The following COPS6 variants were observed in gnomAD, a reference collection of about 807,000 sequenced individuals.
COPS6 encodes COP9 signalosome subunit 6.
COPS6 carries 9 observed loss-of-function variants against 41.0 expected under a neutral mutation model. The ratio of observed to expected loss-of-function variants is 0.22; its 90% confidence interval spans 0.13 to 0.38. The LOEUF (loss-of-function observed/expected upper bound fraction) is 0.38. Among genes scored for constraint, COPS6 ranks in the 10% least tolerant of loss-of-function variants. The pLI is 1.00. For synonymous variants in COPS6, 179 were observed against 162.9 expected (o/e 1.10, Z -0.75); for missense variants, 302 against 436.7 (o/e 0.69, Z 2.75).
At chr7:100,089,109 G>T in intron 1 of COPS6, 43 bp downstream of exon 1, 1 of 1,440,848 alleles carries the variant, frequency 6.9e-7, no homozygotes, top group South Asian at 1.6e-5. Context: ...CCTCCTTCAG[G>T]GGTTCGTTGA....
At chr7:100,090,021 C>T (rs1474329511) in intron 3 of COPS6, 9 of 446,738 alleles carry the variant, frequency 2.0e-5, no homozygotes, top group Non-Finnish European at 8.1e-6. Context: ...GAAAATACAC[C>T]AGGAGCTTCA....
Position 100,090,617 on chromosome 7 carries a change from T to C in COPS6, c.449T>C (p.Leu150Pro). 6.2e-7 allele frequency: 1 copy of C among 1,614,158 alleles called. No homozygotes were observed. Among genetic ancestry groups the C allele is most frequent in the Middle Eastern group, 1.6e-4 (1 of 6,062 alleles). The change falls in exon 5 of 10, where the codon CTC becomes CCC. Residue 150 changes from leucine to proline, a missense_variant. Physicochemically the swap from Leu to Pro is moderately conservative, Grantham distance 98 (BLOSUM62 -3). Coordinates refer to ENST00000303904, the MANE Select transcript of COPS6 (RefSeq NM_006833.5). The stretch of plus-strand genomic sequence containing the variant: ...GTGTGTGAGATCATCGAGAGCCCCC[T>C]CTTTCTGAAGTTGAACCCTATGACC... ...KQVCEIIESP[L>P]FLKLNPMTKH...
At chr7:100,090,119 G>GTGGGTGGA (rs1795289628) in intron 3 of COPS6, 1 of 468,096 alleles carries the variant, frequency 2.1e-6, no homozygotes, top group African/African-American at 2.0e-5. Context: ...GGAGGCCGAG[G>GTGGGTGGA]TGGGTGGATC....
chr7:100,089,349 C>T lies in COPS6; in HGVS notation c.136C>T (p.Leu46Phe), dbSNP rs1203992884. Reference protein sequence around the residue: ...TGSVSVALHPLVILNISDHWI... With the variant: ...TGSVSVALHPFVILNISDHWI... The stretch of plus-strand genomic sequence containing the variant: ...GAGTGTTTCCGTCGCTCTCCATCCC[C>T]TTGTCATTCTCAACATCTCAGACCA... Residue 46 changes from leucine to phenylalanine, a missense_variant, in exon 2 of 10, where the codon CTT becomes TTT. This residue lies in a region of COPS6 where 76 missense variants were observed against 97.9 expected (regional missense o/e 0.78). Transcript: ENST00000303904. 2 of 1,614,018 alleles carry T rather than the reference C, an allele frequency of 1.2e-6. No individual in the cohort carries two copies. Among genetic ancestry groups the T allele is most frequent in the Non-Finnish European group, 1.7e-6 (2 of 1,180,034 alleles).
chr7:100,089,943 A>C lies in COPS6; in HGVS notation c.334+197A>C, dbSNP rs905675460. ...TCAAAAGAAAGCAAAGGATGAGAGG[A>C]GACAGGATAGAAGGGAGTAGTTATT... On this transcript the variant is annotated intron_variant, in intron 3 of 9. Coordinates refer to ENST00000303904, the MANE Select transcript of COPS6 (RefSeq NM_006833.5). 12 of 564,586 alleles carry C rather than the reference A, an allele frequency of 2.1e-5. No individual in the cohort carries two copies. The African/African-American group carries it at 2.3e-4, about 11-fold the overall frequency. The allele number at this position is 564,586 out of a possible 1,614,324, so 35.0% of individuals were successfully genotyped here.
Position 100,091,895 on chromosome 7 carries a change from G to C in COPS6, c.*106G>C. 1 of 1,431,580 alleles carries C rather than the reference G, an allele frequency of 7.0e-7. No homozygotes were observed. Among genetic ancestry groups the C allele is most frequent in the Non-Finnish European group, 9.6e-7 (1 of 1,039,246 alleles). The allele number at this position is 1,431,580 out of a possible 1,614,324, so 88.7% of individuals were successfully genotyped here. A position where few individuals can be genotyped will look rare whatever the true frequency, so the allele number is the denominator to read the frequency against. On this transcript the variant is annotated 3_prime_UTR_variant, in exon 10 of 10. Transcript: ENST00000303904. This position sits in a 1 kb window ranked among gnomAD's most constrained non-coding sequence, Gnocchi z 4.1. ...CGCTGTCATTAATAAAAGGGGAGCA[G>C]CCCCTGAGCACCCCTGCTGGTGGCT...
chr7:100,091,921 C>G lies in COPS6; in HGVS notation c.*132C>G, dbSNP rs1006252722. 11 of 1,176,872 alleles carry G rather than the reference C, an allele frequency of 9.3e-6. No homozygotes were observed. Among genetic ancestry groups the G allele is most frequent in the Admixed American group, 2.3e-5 (1 of 43,646 alleles). 72.9% of individuals were successfully genotyped at this position (1,176,872 alleles called of 1,614,324 possible). On this transcript the variant is annotated 3_prime_UTR_variant, in exon 10 of 10. Coordinates refer to ENST00000303904, the MANE Select transcript of COPS6 (RefSeq NM_006833.5). This position sits in a 1 kb window ranked among gnomAD's most constrained non-coding sequence, Gnocchi z 4.1. ...CCCCTGAGCACCCCTGCTGGTGGCT[C>G]TGTCCTCTGTTAGGCACCACACTGG...
Position 100,091,540 on chromosome 7 carries a change from G to A in COPS6, c.843+20G>A. 1 of 1,613,632 alleles carries A rather than the reference G, an allele frequency of 6.2e-7. No homozygotes were observed. Among genetic ancestry groups the A allele is most frequent in the Admixed American group, 1.7e-5 (1 of 60,014 alleles). The stretch of plus-strand genomic sequence containing the variant: ...TATGATGTGAGTGTAAAACCCGGAT[G>A]GGGAGGCGGGGCTTATGCTGTCACT... On this transcript the variant is annotated intron_variant, in intron 9 of 9. Coordinates refer to ENST00000303904, the MANE Select transcript of COPS6 (RefSeq NM_006833.5). This position sits in a 1 kb window ranked among gnomAD's most constrained non-coding sequence, Gnocchi z 4.1.
At position 100,090,594 on chromosome 7, in the gene COPS6, G is replaced by C; in HGVS notation, c.426G>C (p.Val142=). 1 of 1,614,154 alleles carries C rather than the reference G, an allele frequency of 6.2e-7. No homozygotes were observed. The highest frequency in any genetic ancestry group is 8.5e-7 in the Non-Finnish European group (1 of 1,180,008). The change falls in exon 5 of 10, where the codon GTG becomes GTC. Residue 142 remains valine, a splice_region_variant and synonymous_variant. Coordinates refer to ENST00000303904, the MANE Select transcript of COPS6 (RefSeq NM_006833.5). ...TGTGCATTGTCCCTCTCTTCCAGGT[G>C]TGTGAGATCATCGAGAGCCCCCTCT... ...DPSDIHVHKQ[V]CEIIESPLFL...
chr7:100,089,532 A>G (rs948719077), intron 2 of COPS6, 83 bp from the exon 3 acceptor site: 138 of 1,600,562 alleles, frequency 8.6e-5, no homozygotes, highest in African/African-American at 1.9e-4. Context: ...CGTTTCCCCA[A>G]TACATGGTTC....
In COPS6 at chr7:100,088,974, T is replaced by C; in HGVS notation, c.-17T>C. 1 of 1,321,190 alleles carries C rather than the reference T, an allele frequency of 7.6e-7. No individual in the cohort carries two copies. Among genetic ancestry groups the C allele is most frequent in the Admixed American group, 4.0e-5 (1 of 24,982 alleles). 81.8% of individuals were successfully genotyped at this position (1,321,190 alleles called of 1,614,324 possible). Reference sequence around the variant, plus strand: ...GGAAGGAAGGGGGCGGGGCCGAGGCTGGCGGGCGCGGGGAAAATGGCGGCG... The same window carrying C: ...GGAAGGAAGGGGGCGGGGCCGAGGCCGGCGGGCGCGGGGAAAATGGCGGCG... On this transcript the variant is annotated 5_prime_UTR_variant, in exon 1 of 10. Transcript: ENST00000303904.
In COPS6 at chr7:100,090,585, CTT is replaced by C. The variant is rs927991932; in HGVS notation, c.424-6_424-5del. The C allele has an allele frequency of 4.3e-6, 7 of 1,613,970 alleles. No individual in the cohort carries two copies. In the African/African-American group the frequency reaches 6.7e-5, roughly 15 times the overall value. On this transcript the variant is annotated splice_polypyrimidine_tract_variant and splice_region_variant and intron_variant, in intron 4 of 9. Coordinates refer to ENST00000303904, the MANE Select transcript of COPS6 (RefSeq NM_006833.5). ...CTGACTTCCTGTGCATTGTCCCTCT[CTT>C]CCAGGTGTGTGAGATCATCGAGAGC...
At position 100,090,644 on chromosome 7, in the gene COPS6, A is replaced by C; in HGVS notation, c.476A>C (p.Lys159Thr). ...TTTCTGAAGTTGAACCCTATGACCA[A>C]GCACACAGATGTGAGTAATACTCCA... ...PLFLKLNPMT[K>T]HTDLPVSVFE... is the part of the protein sequence containing the mutation. The change falls in exon 5 of 10, where the codon AAG becomes ACG. Residue 159 changes from lysine to threonine, a missense_variant. Physicochemically the swap from Lys to Thr is moderately conservative, Grantham distance 78. This residue lies in a region of COPS6 where 222 missense variants were observed against 309.0 expected (regional missense o/e 0.72). Transcript: ENST00000303904. The C allele has an allele frequency of 6.2e-7, 1 of 1,613,922 alleles. No individual in the cohort carries two copies. Among genetic ancestry groups the C allele is most frequent in the Non-Finnish European group, 8.5e-7 (1 of 1,179,788 alleles).
At chr7:100,090,044 A>C (rs1168749951) in intron 3 of COPS6, 1 of 439,224 alleles carries the variant, frequency 2.3e-6, no homozygotes, top group South Asian at 2.5e-5. Context: ...TTGAGGAAGG[A>C]TGGTTTAAAG....
intron 3 of COPS6, chr7:100,090,115 C>T (rs775377098): frequency 4.4e-6 from 2 of 458,122 alleles, no homozygotes; most frequent in Non-Finnish European, 7.9e-6. Flanking sequence ...TTTGGGAGGC[C>T]GAGGTGGGTG....
At position 100,089,630 on chromosome 7, in the gene COPS6, T is replaced by C. The variant is rs781279064; in HGVS notation, c.218T>C (p.Ile73Thr). 8.1e-6 allele frequency: 13 copies of C among 1,613,154 alleles called. No homozygotes were observed. The highest frequency in any genetic ancestry group is 4.5e-5 in the East Asian group (2 of 44,884). Residue 73 changes from isoleucine to threonine, a missense_variant, in exon 3 of 10, where the codon ATT (isoleucine) becomes ACT (threonine). Coordinates refer to ENST00000303904, the MANE Select transcript of COPS6 (RefSeq NM_006833.5). ...GRPVQVIGALIGKQEGRNIEV... is the reference protein window; with the variant it reads ...GRPVQVIGALTGKQEGRNIEV... ...TCTTTCCCAGTGATTGGGGCTCTGATTGGCAAGCAGGAGGGCCGAAATATC... is the reference window on the plus strand; with the variant it reads ...TCTTTCCCAGTGATTGGGGCTCTGACTGGCAAGCAGGAGGGCCGAAATATC...
rs781667527 is a variant in COPS6 at position 100,091,986 on chromosome 7, T to G, written c.*197T>G. 1.4e-4 allele frequency: 91 copies of G among 644,420 alleles called. No homozygotes were observed. Among genetic ancestry groups the G allele is most frequent in the Non-Finnish European group, 1.8e-4 (70 of 380,454 alleles). The allele number at this position is 644,420 out of a possible 1,614,324, so 39.9% of individuals were successfully genotyped here. ...TGTTCATCGAGGCTCATTCTGGCCT[T>G]GCTCAGAAGCCCTTCTGATGCTCTT... is the stretch of plus-strand genomic sequence containing the variant. On this transcript the variant is annotated 3_prime_UTR_variant, in exon 10 of 10. Coordinates refer to ENST00000303904, the MANE Select transcript of COPS6 (RefSeq NM_006833.5). This position sits in a 1 kb window ranked among gnomAD's most constrained non-coding sequence, Gnocchi z 4.1.
In COPS6 at chr7:100,091,420, G is replaced by T; in HGVS notation, c.743G>T (p.Gly248Val). 6.2e-7 allele frequency: 1 copy of T among 1,614,018 alleles called. No homozygotes were observed. Among genetic ancestry groups the T allele is most frequent in the Non-Finnish European group, 8.5e-7 (1 of 1,179,924 alleles). Residue 248 changes from glycine (G) to valine (V), a missense_variant and splice_region_variant, in exon 9 of 10, where the codon GGA becomes GTA. This residue lies in a region of COPS6 where 222 missense variants were observed against 309.0 expected (regional missense o/e 0.72). Transcript: ENST00000303904. The surrounding 1 kb of genome is among the most constrained non-coding windows in gnomAD (Gnocchi z 4.1). Reference sequence around the variant, plus strand: ...ATGTAGTCTCTTTTTGTGCCTTTAGGAGAGGTCCCCTTTAATCATGAGATC... The same window carrying T: ...ATGTAGTCTCTTTTTGTGCCTTTAGTAGAGGTCCCCTTTAATCATGAGATC... ...ILEYVKASEA[G>V]EVPFNHEILR...
At position 100,090,485 on chromosome 7, in the gene COPS6, C is replaced by G; in HGVS notation, c.421C>G (p.Gln141Glu). Residue 141 changes from glutamine (Q) to glutamate (E), a missense_variant and splice_region_variant, in exon 4 of 10, where the codon CAG becomes GAG. This residue lies in a region of COPS6 where 222 missense variants were observed against 309.0 expected (regional missense o/e 0.72). Coordinates refer to ENST00000303904, the MANE Select transcript of COPS6 (RefSeq NM_006833.5). ...CCCCTCGGACATCCACGTCCATAAG[C>G]AGGTATGCATGCTCACACCTGTGCA... is the stretch of plus-strand genomic sequence containing the variant. ...PDPSDIHVHK[Q>E]VCEIIESPLF... is the part of the protein sequence containing the mutation. The G allele has an allele frequency of 6.2e-7, 1 of 1,613,788 alleles. No homozygotes were observed. Among genetic ancestry groups the G allele is most frequent in the Admixed American group, 1.7e-5 (1 of 60,014 alleles).
Sources: gnomAD v4.1 joint callset for allele counts on GRCh38, gnomAD v4.1.1 for gene constraint, gnomAD v4.1.1 regional missense constraint, Gnocchi (gnomAD v3.1) non-coding constraint, MANE v1.5 for transcripts, NCBI Gene and HGNC (gene_info 2026-07-23, HGNC 2026-07-21) for gene names.